NAA11: variants seen among roughly 807,000 people sequenced by gnomAD.
NAA11 encodes the protein N-alpha-acetyltransferase 11, NatA catalytic subunit, also known as N-alpha-acetyltransferase 11.
In NAA11, 15 loss-of-function variants were observed where a neutral mutation model predicts 16.1. The observed-to-expected ratio is 0.93, with a 90% confidence interval of 0.62 to 1.44. The LOEUF is 1.44. NAA11 is among the 40% of genes most tolerant of loss of function. The pLI, the probability that NAA11 is intolerant of heterozygous loss-of-function variation, is 0.00. For missense variants in NAA11, 298 were observed against 291.3 expected (o/e 1.02, Z -0.17); for synonymous variants, 122 against 112.4 (o/e 1.09, Z -0.54).
chr4:79,162,071 T>G, the NAA11 span, among the ~76,000 whole-genome samples: 1 of 152,228 alleles, frequency 6.6e-6, no homozygotes, highest in Non-Finnish European at 1.5e-5. Flanking sequence ...TTTCTAAATA[T>G]TTCATTCTTT....
chr4:79,205,112 G>A, the NAA11 span, among the ~76,000 whole-genome samples: 6 of 152,174 alleles, frequency 3.9e-5, no homozygotes, highest in Non-Finnish European at 5.9e-5. Flanking sequence ...ATTGTGAAAT[G>A]TGCTGCAATA....
the NAA11 span, among the ~76,000 whole-genome samples, chr4:79,183,820 C>T: frequency 7.8e-4 from 118 of 152,128 alleles, 3 homozygotes; most frequent in East Asian, 0.019. Flanking sequence ...GTACCTTTTC[C>T]GCTAGGATTC....
chr4:79,185,001 A>T, the NAA11 span, among the ~76,000 whole-genome samples: 2 of 152,188 alleles, frequency 1.3e-5, no homozygotes, highest in Non-Finnish European at 2.9e-5. Flanking sequence ...AAACTGAAAA[A>T]GCTGTACATA....
chr4:79,268,539 A>G (rs1722402137), intron 2 of NAA11, among the ~76,000 whole-genome samples: 1 of 152,152 alleles, frequency 6.6e-6, no homozygotes, highest in Admixed American at 6.6e-5. Context: ...ATTGCAACAC[A>G]AGTAATTTTG....
the NAA11 span, among the ~76,000 whole-genome samples, chr4:79,207,023 G>T: frequency 6.6e-6 from 1 of 152,016 alleles, no homozygotes; most frequent in Admixed American, 6.6e-5. Flanking sequence ...GTGTATAGTA[G>T]TGCTACTGAT....
chr4:79,286,873 G>T (rs1722950965), intron 2 of NAA11, among the ~76,000 whole-genome samples: 3 of 151,916 alleles, frequency 2.0e-5, no homozygotes, highest in South Asian at 2.1e-4. Context: ...ATAACATTTT[G>T]CCCATGAGTT....
chr4:79,314,429 A>G (rs1451233007), downstream of NAA11, among the ~76,000 whole-genome samples: 2 of 152,068 alleles, frequency 1.3e-5, no homozygotes, highest in Non-Finnish European at 2.9e-5. Flanking sequence ...CAAAACAATC[A>G]CCTGGAGGGT....
At chr4:79,219,159 G>A in the NAA11 span, among the ~76,000 whole-genome samples, 14 of 152,150 alleles carry the variant, frequency 9.2e-5, no homozygotes, top group African/African-American at 3.1e-4. Flanking sequence ...AACTGTTTTG[G>A]AAGTGTTTTT....
In NAA11 at chr4:79,256,651, A is replaced by ATATATATATATATATATATATATATAT. The variant is rs1722113513; in HGVS notation, c.*123-30382_*123-30381insATATATATATATATATATATATATATA. Among the ~76,000 whole-genome samples the ATATATATATATATATATATATATATAT allele has an allele frequency of 4.2e-4, 55 of 130,696 alleles. 1 individual carries two copies. Among genetic ancestry groups the ATATATATATATATATATATATATATAT allele is most frequent in the African/African-American group, 1.6e-3 (53 of 32,536 alleles). The allele number at this position is 130,696 out of a possible 152,430, so 85.7% of individuals were successfully genotyped here. Reference sequence around the variant, plus strand: ...AATGAACCATATATATATAAATATAAATATATATATATATATATTGACACG... The same window carrying ATATATATATATATATATATATATATAT: ...AATGAACCATATATATATAAATATAATATATATATATATATATATATATATATATATATATATATATATATTGACACG... On this transcript the variant is annotated intron_variant and NMD_transcript_variant, in intron 2 of 2. Transcript: ENST00000511542.
intron 2 of NAA11, among the ~76,000 whole-genome samples, chr4:79,271,286 CAA>C (rs1196719759): frequency 7.6e-6 from 1 of 132,136 alleles, no homozygotes; most frequent in African/African-American, 2.9e-5. Context: ...ACAATTGCTT[CAA>C]AGAGAATAAA....
At chr4:79,185,092 A>G in the NAA11 span, among the ~76,000 whole-genome samples, 3 of 152,080 alleles carry the variant, frequency 2.0e-5, no homozygotes, top group South Asian at 2.1e-4. Flanking sequence ...ATTGGATAAT[A>G]TATTCCATTT....
At chr4:79,191,869 GA>G in the NAA11 span, among the ~76,000 whole-genome samples, 1 of 152,172 alleles carries the variant, frequency 6.6e-6, no homozygotes, top group Non-Finnish European at 1.5e-5. Context: ...TACGGTGTAA[GA>G]GGGGGGTCCA....
chr4:79,199,519 G>C, the NAA11 span, among the ~76,000 whole-genome samples: 1 of 151,740 alleles, frequency 6.6e-6, no homozygotes, highest in African/African-American at 2.4e-5. Context: ...ATTTGAAAGC[G>C]AGTGACAAAA....
At chr4:79,256,404 T>A (rs993687571) in intron 2 of NAA11, among the ~76,000 whole-genome samples, 5 of 151,892 alleles carry the variant, frequency 3.3e-5, no homozygotes, top group Admixed American at 3.3e-4. Context: ...TTCAGTTCAG[T>A]GTGTTCCTTT....
At chr4:79,193,745 T>G in the NAA11 span, among the ~76,000 whole-genome samples, 5 of 152,206 alleles carry the variant, frequency 3.3e-5, no homozygotes, top group Admixed American at 1.3e-4. Context: ...TAAAATAGTT[T>G]TTTCCAATTC....
At chr4:79,256,349 C>T (rs1348448258) in intron 2 of NAA11, among the ~76,000 whole-genome samples, 1 of 151,966 alleles carries the variant, frequency 6.6e-6, no homozygotes, top group Non-Finnish European at 1.5e-5. Context: ...TTCCTTGTAG[C>T]CCTCAATGTT....
chr4:79,155,422 T>G, the NAA11 span, among the ~76,000 whole-genome samples: 1 of 152,244 alleles, frequency 6.6e-6, no homozygotes, highest in Non-Finnish European at 1.5e-5. Flanking sequence ...CTTTAAAACA[T>G]TCCTAGTGAT....
chr4:79,324,880 T>C (rs774933295), intron 1 of NAA11, among the ~76,000 whole-genome samples: 11 of 152,214 alleles, frequency 7.2e-5, no homozygotes, highest in Non-Finnish European at 1.2e-4. Context: ...AAAAATGCCT[T>C]TCATCAACTA....
chr4:79,179,565 A>C, the NAA11 span, among the ~76,000 whole-genome samples: 1 of 152,218 alleles, frequency 6.6e-6, no homozygotes, highest in Admixed American at 6.5e-5. Flanking sequence ...ATTCTGTTTG[A>C]TTGCACAGTG....
Sources: gnomAD v4.1 joint callset for allele counts (sites outside exome capture counted in the v4.1 genomes callset) on GRCh38, gnomAD v4.1.1 for gene constraint, MANE v1.5 for transcripts, NCBI Gene and HGNC (gene_info 2026-07-23, HGNC 2026-07-21) for gene names.